DRC11L: variants seen among roughly 807,000 people sequenced by gnomAD.
The protein encoded by DRC11L is dynein regulatory complex subunit like-11.
At chr7:151,197,905 C>T in the DRC11L span, 2 of 399,032 alleles carry the variant, frequency 5.0e-6, no homozygotes, top group Non-Finnish European at 8.8e-6. Flanking sequence ...CCAGTAAGGT[C>T]ACTAAGTGAA....
chr7:151,191,104 A>T, the DRC11L span: 1 of 399,296 alleles, frequency 2.5e-6, no homozygotes, highest in East Asian at 3.6e-5. Context: ...TGGTGGGTAC[A>T]GGAGTGGTAA....
At chr7:151,193,614 A>T in the DRC11L span, 3 of 398,278 alleles carry the variant, frequency 7.5e-6, no homozygotes, top group African/African-American at 6.2e-5. Flanking sequence ...ATCACAGGGC[A>T]TACTACCTTC....
At chr7:151,204,627 C>T in the DRC11L span, 1 of 399,144 alleles carries the variant, frequency 2.5e-6, no homozygotes, top group Non-Finnish European at 4.4e-6. Flanking sequence ...CAGCAGGCGT[C>T]GCAGCAGCCG....
the DRC11L span, chr7:151,190,965 C>T: frequency 7.8e-5 from 31 of 399,980 alleles, no homozygotes; most frequent in East Asian, 7.1e-5. Context: ...CTCAGGTGCC[C>T]GCAAGCCTTA....
chr7:151,191,567 C>A, the DRC11L span: 1 of 398,564 alleles, frequency 2.5e-6, no homozygotes, highest in African/African-American at 2.1e-5. Flanking sequence ...GAGAGGGGTC[C>A]GAGTTGTGCT....
chr7:151,204,158 C>T, the DRC11L span, among the ~76,000 whole-genome samples: 1 of 152,162 alleles, frequency 6.6e-6, no homozygotes, highest in Non-Finnish European at 1.5e-5. Context: ...CAATTCCCTG[C>T]GGTTCGTGGG....
the DRC11L span, chr7:151,193,057 G>C: frequency 2.5e-6 from 1 of 397,264 alleles, no homozygotes; most frequent in African/African-American, 2.1e-5. Context: ...TGCATATTCA[G>C]TCTCATCCTA....
chr7:151,191,930 G>A, the DRC11L span: 3 of 399,092 alleles, frequency 7.5e-6, no homozygotes, highest in Non-Finnish European at 1.3e-5. Context: ...ACCAGGGAGG[G>A]GCAACAAGGC....
At chr7:151,198,135 T>C in the DRC11L span, among the ~76,000 whole-genome samples, 1 of 146,848 alleles carries the variant, frequency 6.8e-6, no homozygotes, top group African/African-American at 2.6e-5. Context: ...GATGGAAGGA[T>C]AGACAGAGAG....
chr7:151,203,224 A>G, the DRC11L span: 1 of 398,164 alleles, frequency 2.5e-6, no homozygotes, highest in Non-Finnish European at 4.4e-6. Context: ...TGGGAGGCCA[A>G]GTCTTGTCTT....
the DRC11L span, among the ~76,000 whole-genome samples, chr7:151,201,803 C>T: frequency 2.0e-5 from 3 of 152,156 alleles, no homozygotes; most frequent in South Asian, 4.1e-4. The surrounding 1 kb of genome is among the most constrained non-coding windows in gnomAD (Gnocchi z 4.1). Flanking sequence ...AGAGCAGGGC[C>T]GGTGGCCTTA....
chr7:151,199,081 C>T, the DRC11L span: 37 of 398,226 alleles, frequency 9.3e-5, no homozygotes, highest in Middle Eastern at 1.2e-3. The surrounding 1 kb of genome is among the most constrained non-coding windows in gnomAD (Gnocchi z 5.2). Flanking sequence ...CCCCCAGCCT[C>T]GGGCACACAC....
the DRC11L span, chr7:151,200,276 G>C: frequency 7.5e-6 from 3 of 398,938 alleles, no homozygotes; most frequent in South Asian, 1.3e-4. Context: ...CCTGAGTGGA[G>C]AGCACCGTGG....
At chr7:151,203,643 C>T in the DRC11L span, 2 of 394,292 alleles carry the variant, frequency 5.1e-6, no homozygotes, top group African/African-American at 4.1e-5. Flanking sequence ...CCTGACTAAA[C>T]TTAAAGGGTA....
At chr7:151,193,853 G>A in the DRC11L span, among the ~76,000 whole-genome samples, 3 of 151,268 alleles carry the variant, frequency 2.0e-5, no homozygotes, top group African/African-American at 7.3e-5. Flanking sequence ...TTTGCAGTGA[G>A]CTGAGATTGT....
the DRC11L span, among the ~76,000 whole-genome samples, chr7:151,196,217 C>T: frequency 2.0e-5 from 3 of 152,078 alleles, no homozygotes; most frequent in South Asian, 4.1e-4. Context: ...AAAGTGGGAC[C>T]GGGGGAGGCA....
the DRC11L span, among the ~76,000 whole-genome samples, chr7:151,200,738 G>A: frequency 1.3e-5 from 2 of 152,068 alleles, no homozygotes; most frequent in East Asian, 3.9e-4. Flanking sequence ...ACAGATCAGA[G>A]CTCAAGCACC....
At chr7:151,199,581 C>T in the DRC11L span, among the ~76,000 whole-genome samples, 1 of 152,122 alleles carries the variant, frequency 6.6e-6, no homozygotes, top group Admixed American at 6.5e-5. The surrounding 1 kb of genome is among the most constrained non-coding windows in gnomAD (Gnocchi z 5.2). Context: ...AGTCTCTGAC[C>T]TCCACTCCCA....
At chr7:151,193,932 G>A in the DRC11L span, among the ~76,000 whole-genome samples, 1 of 151,804 alleles carries the variant, frequency 6.6e-6, no homozygotes, top group Non-Finnish European at 1.5e-5. Context: ...AGGAAGGCAT[G>A]GGATAAATCA....
Sources: gnomAD v4.1 joint callset for allele counts (sites outside exome capture counted in the v4.1 genomes callset) on GRCh38, gnomAD v4.1.1 for gene constraint, Gnocchi (gnomAD v3.1) non-coding constraint, MANE v1.5 for transcripts, NCBI Gene and HGNC (gene_info 2026-07-23, HGNC 2026-07-21) for gene names.